IQGAP2: variants seen among roughly 807,000 people sequenced by gnomAD.
IQGAP2 encodes the protein IQ motif containing GTPase activating protein 2, also known as ras GTPase-activating-like protein IQGAP2.
Under a neutral mutation model 201.3 loss-of-function variants are expected in IQGAP2, and 173 were observed. The ratio of observed to expected loss-of-function variants is 0.86; its 90% confidence interval spans 0.76 to 0.98. IQGAP2 has a LOEUF of 0.98. Ranked by LOEUF, IQGAP2 falls within the 50% of genes least tolerant of loss-of-function variation. The pLI is 0.00. For synonymous variants in IQGAP2, 675 were observed against 673.9 expected, an observed-to-expected ratio of 1.00 and a Z score of -0.03; for missense variants, 1,687 against 1,864.8, an observed-to-expected ratio of 0.90 and a Z score of 1.76.
At chr5:76,628,132 T>G (rs553207664) in intron 14 of IQGAP2, among the ~76,000 whole-genome samples, 52 of 152,292 alleles carry the variant, frequency 3.4e-4, no homozygotes, top group African/African-American at 1.2e-3. Context: ...TACCAAAAAT[T>G]TATACTGTTA....
chr5:76,689,447 A>C (rs1746082956), intron 30 of IQGAP2, among the ~76,000 whole-genome samples: 1 of 152,144 alleles, frequency 6.6e-6, no homozygotes, highest in South Asian at 2.1e-4. Flanking sequence ...AATACCACAT[A>C]AATTATATAA....
At chr5:76,598,993 C>T (rs1747232938) in intron 10 of IQGAP2, among the ~76,000 whole-genome samples, 1 of 151,998 alleles carries the variant, frequency 6.6e-6, no homozygotes, top group Admixed American at 6.6e-5. Flanking sequence ...AAAGACAAAA[C>T]CTCTGCAAAT....
intron 9 of IQGAP2, 123 bp from the exon 10 acceptor site, chr5:76,597,316 C>A: frequency 2.2e-6 from 2 of 899,280 alleles, no homozygotes; most frequent in Non-Finnish European, 3.4e-6. Context: ...CCTCTGCCTG[C>A]AGCTTTTCAG....
chr5:76,447,921 C>T (rs969155057), intron 1 of IQGAP2, among the ~76,000 whole-genome samples: 1 of 152,178 alleles, frequency 6.6e-6, no homozygotes, highest in African/African-American at 2.4e-5. Context: ...GGACTTTGAG[C>T]TGTGCCCCCA....
intron 13 of IQGAP2, among the ~76,000 whole-genome samples, chr5:76,620,460 TA>T: frequency 6.6e-6 from 1 of 152,166 alleles, no homozygotes; most frequent in East Asian, 1.9e-4. Flanking sequence ...AGGATGCCAT[TA>T]ACTGAGTTGG....
intron 1 of IQGAP2, among the ~76,000 whole-genome samples, chr5:76,460,015 G>C (rs1188322280): frequency 1.3e-5 from 2 of 152,186 alleles, no homozygotes; most frequent in Admixed American, 6.5e-5. Context: ...CTGGAAGGTA[G>C]TTTTTCTGTA....
At chr5:76,452,392 C>A (rs948361200) in intron 1 of IQGAP2, among the ~76,000 whole-genome samples, 1 of 152,022 alleles carries the variant, frequency 6.6e-6, no homozygotes, top group Non-Finnish European at 1.5e-5. Flanking sequence ...CCTCTACCCT[C>A]CCCCCAGGAA....
At chr5:76,418,898 G>A (rs1335078210) in intron 1 of IQGAP2, among the ~76,000 whole-genome samples, 1 of 152,078 alleles carries the variant, frequency 6.6e-6, no homozygotes, top group Non-Finnish European at 1.5e-5. Flanking sequence ...TGTCAACAGC[G>A]GGCCAGCCTC....
intron 5 of IQGAP2, among the ~76,000 whole-genome samples, chr5:76,576,143 A>G (rs528157483): frequency 6.6e-6 from 1 of 152,314 alleles, no homozygotes; most frequent in Non-Finnish European, 1.5e-5. Flanking sequence ...AGCAACTTTA[A>G]TAGTCATAAT....
At chr5:76,609,632 G>T (rs1248553023) in intron 12 of IQGAP2, among the ~76,000 whole-genome samples, 1 of 151,948 alleles carries the variant, frequency 6.6e-6, no homozygotes, top group East Asian at 1.9e-4. Flanking sequence ...CTATTTCATG[G>T]CATATCACAG....
chr5:76,425,209 C>T (rs532680530), intron 1 of IQGAP2, among the ~76,000 whole-genome samples: 1 of 152,324 alleles, frequency 6.6e-6, no homozygotes, highest in East Asian at 1.9e-4. Flanking sequence ...GGGCTGCCCT[C>T]TCTAGTGGTT....
chr5:76,676,077 T>TCTCACACACACACACA (rs35972592), intron 27 of IQGAP2, among the ~76,000 whole-genome samples: 1 of 135,592 alleles, frequency 7.4e-6, no homozygotes, highest in African/African-American at 2.8e-5. Context: ...TAAGACTCTG[T>TCTCACACACACACACA]CACACACACA....
In IQGAP2 at chr5:76,461,614, A is replaced by C; in HGVS notation, c.91A>C (p.Arg31=). 1 of 1,614,030 alleles carries C rather than the reference A, an allele frequency of 6.2e-7. No individual in the cohort carries two copies. ...ERLSAEEMDE[R]RRQNIAYEYL... ...GCTCTCTGCAGAGGAGATGGATGAGAGGAGGCGGCAGAACATTGCTTATGA... is the reference window on the plus strand; with the variant it reads ...GCTCTCTGCAGAGGAGATGGATGAGCGGAGGCGGCAGAACATTGCTTATGA... The change falls in exon 2 of 36, where the codon AGG becomes CGG. Residue 31 remains arginine (R), a synonymous_variant. Coordinates refer to ENST00000274364, the MANE Select transcript of IQGAP2 (RefSeq NM_006633.5).
chr5:76,694,384 A>C (rs986555025), intron 31 of IQGAP2, among the ~76,000 whole-genome samples: 2 of 152,218 alleles, frequency 1.3e-5, no homozygotes, highest in African/African-American at 4.8e-5. Context: ...TTAGTATAAA[A>C]GACTTTTACT....
chr5:76,434,760 A>C (rs918930353), intron 1 of IQGAP2, among the ~76,000 whole-genome samples: 1 of 152,128 alleles, frequency 6.6e-6, no homozygotes, highest in Non-Finnish European at 1.5e-5. Context: ...ATCTACTTTT[A>C]GTTCTTTAAG....
At chr5:76,426,911 T>G (rs1752038079) in intron 1 of IQGAP2, among the ~76,000 whole-genome samples, 1 of 151,210 alleles carries the variant, frequency 6.6e-6, no homozygotes, top group Non-Finnish European at 1.5e-5. Flanking sequence ...GGAGGGTGTG[T>G]GTGTGTGTGT....
At chr5:76,608,552 A>G (rs932441816) in intron 12 of IQGAP2, among the ~76,000 whole-genome samples, 1 of 152,176 alleles carries the variant, frequency 6.6e-6, no homozygotes, top group Admixed American at 6.5e-5. Context: ...GGACGTTTTG[A>G]AGGTGCATTA....
chr5:76,493,596 C>T (rs1756697669), intron 2 of IQGAP2, among the ~76,000 whole-genome samples: 1 of 152,138 alleles, frequency 6.6e-6, no homozygotes. Flanking sequence ...CTCCACACTG[C>T]TCCCCCCACC....
intron 2 of IQGAP2, among the ~76,000 whole-genome samples, chr5:76,470,616 G>T (rs539840522): frequency 6.6e-6 from 1 of 152,082 alleles, no homozygotes; most frequent in Non-Finnish European, 1.5e-5. Context: ...TTGCTGTGTT[G>T]CCCAGGCTGG....
Sources: gnomAD v4.1 joint callset for allele counts (sites outside exome capture counted in the v4.1 genomes callset) on GRCh38, gnomAD v4.1.1 for gene constraint, MANE v1.5 for transcripts, NCBI Gene and HGNC (gene_info 2026-07-23, HGNC 2026-07-21) for gene names.